SMYD4: variants seen among roughly 807,000 people sequenced by gnomAD.
The protein encoded by SMYD4 is protein-lysine N-methyltransferase SMYD4.
In SMYD4, 68 loss-of-function variants were observed where a neutral mutation model predicts 72.8. The observed-to-expected ratio is 0.93, with a 90% CI of 0.77 to 1.14. The LOEUF (loss-of-function observed/expected upper bound fraction) is 1.14, where lower values mean the gene tolerates loss of function less well. Ranked by LOEUF, SMYD4 falls within the 50% of genes most tolerant of loss-of-function variation. The probability of loss-of-function intolerance (pLI) is 0.00; values close to 1 mark genes in which losing one functional copy is unlikely to be tolerated. For synonymous variants in SMYD4, 407 were observed against 388.6 expected, an observed-to-expected ratio of 1.05 and a Z score of -0.56; for missense variants, 984 against 1,003.7, an observed-to-expected ratio of 0.98 and a Z score of 0.27.
At chr17:1,794,105 A>ATATATTTTTT (rs1291818005) in intron 5 of SMYD4, among the ~76,000 whole-genome samples, 2 of 12,992 alleles carry the variant, frequency 1.5e-4, no homozygotes, top group Non-Finnish European at 2.8e-4. Flanking sequence ...ATATATATAT[A>ATATATTTTTT]TTTTTTTTTT....
chr17:1,815,372 G>T (rs1052563914), intron 2 of SMYD4, among the ~76,000 whole-genome samples: 1 of 151,352 alleles, frequency 6.6e-6, no homozygotes, highest in African/African-American at 2.4e-5. Context: ...ATACTTTTTT[G>T]ATTTTTTAGT....
intron 4 of SMYD4, among the ~76,000 whole-genome samples, chr17:1,803,513 G>C (rs1239288133): frequency 6.6e-6 from 1 of 152,058 alleles, no homozygotes; most frequent in African/African-American, 2.4e-5. Context: ...TTTCTCTTTT[G>C]AGACAGAGTC....
At chr17:1,822,572 T>C (rs1567789265) in intron 2 of SMYD4, among the ~76,000 whole-genome samples, 1 of 152,134 alleles carries the variant, frequency 6.6e-6, no homozygotes, top group Non-Finnish European at 1.5e-5. Context: ...GAGGCTACCA[T>C]AACCCACCAT....
At chr17:1,798,790 C>T (rs558048221) in intron 5 of SMYD4, among the ~76,000 whole-genome samples, 1 of 151,730 alleles carries the variant, frequency 6.6e-6, no homozygotes, top group African/African-American at 2.4e-5. Flanking sequence ...ATCTCAGCTA[C>T]TTGGGAGGCT....
chr17:1,810,910 C>T (rs1910299747), intron 3 of SMYD4, among the ~76,000 whole-genome samples: 1 of 152,176 alleles, frequency 6.6e-6, no homozygotes, highest in Admixed American at 6.5e-5. Flanking sequence ...CAGGGGAAAA[C>T]CATCTCCCTT....
At chr17:1,799,773 A>G (rs182377071) in intron 5 of SMYD4, 84 bp downstream of exon 5, 6 of 1,330,742 alleles carry the variant, frequency 4.5e-6, no homozygotes, top group Admixed American at 5.5e-5. Flanking sequence ...TTTGAATCCT[A>G]TTTTCCTTTG....
rs1369984740 is a variant in SMYD4 at position 1,827,835 on chromosome 17, C to A, written c.134+26G>T. The A allele has an allele frequency of 3.8e-6, 6 of 1,578,706 alleles. No homozygotes were observed. The East Asian group carries it at 1.4e-4, about 36-fold the overall frequency. ...ATAGAACATTTTTTGGCTCACAATT[C>A]CCTTGTTAAAGCTTGATTTACTTAC... On this transcript the variant is annotated intron_variant, in intron 2 of 10. Coordinates refer to ENST00000305513, the MANE Select transcript of SMYD4 (RefSeq NM_052928.3).
intron 3 of SMYD4, among the ~76,000 whole-genome samples, chr17:1,806,585 T>C (rs930863086): frequency 6.6e-6 from 1 of 152,116 alleles, no homozygotes; most frequent in African/African-American, 2.4e-5. Flanking sequence ...ATCAATAAAA[T>C]GCAGATTACA....
chr17:1,811,459 G>A (rs933279818), intron 3 of SMYD4, among the ~76,000 whole-genome samples: 5 of 152,138 alleles, frequency 3.3e-5, no homozygotes, highest in African/African-American at 7.2e-5. Flanking sequence ...CTGGGATTAC[G>A]GGTGTGAACC....
rs1332338545 is a variant in SMYD4 at position 1,781,417 on chromosome 17, T to C, written c.2284A>G (p.Ser762Gly). 6.2e-7 allele frequency: 1 copy of C among 1,614,042 alleles called. No individual in the cohort carries two copies. The highest frequency in any genetic ancestry group is 8.5e-7 in the Non-Finnish European group (1 of 1,179,986). The stretch of plus-strand genomic sequence containing the variant: ...ACCTCCTCAGCTTTCTGTATTGTGC[T>C]CAGGGCTTCGGGTACTGCAAACCTG... ...FNGFAVPEAL[S>G]TIQKAEEVLS... The change falls in exon 11 of 11, where the codon AGC becomes GGC. Residue 762 changes from serine to glycine, a missense_variant. Coordinates refer to ENST00000305513, the MANE Select transcript of SMYD4 (RefSeq NM_052928.3).
intron 2 of SMYD4, among the ~76,000 whole-genome samples, chr17:1,814,198 G>T (rs143378935): frequency 6.6e-6 from 1 of 152,120 alleles, no homozygotes; most frequent in Non-Finnish European, 1.5e-5. Context: ...CCAGCTACTC[G>T]GGAGGCTGAG....
At chr17:1,783,272 G>C in intron 9 of SMYD4, 88 bp downstream of exon 9, 22 of 1,610,328 alleles carry the variant, frequency 1.4e-5, no homozygotes, top group South Asian at 6.6e-5. Flanking sequence ...TACAGAGCGG[G>C]GGGTAACCAG....
Position 1,781,226 on chromosome 17 carries a change from A to C in SMYD4, c.*60T>G, listed in dbSNP as rs759392176. Reference sequence around the variant, plus strand: ...GTGAGCCACCATACCTGGCCAGCAAAACCTCTTTAACTTGTGTTCCATGGG... The same window carrying C: ...GTGAGCCACCATACCTGGCCAGCAACACCTCTTTAACTTGTGTTCCATGGG... On this transcript the variant is annotated 3_prime_UTR_variant, in exon 11 of 11. Transcript: ENST00000305513. 1.3e-5 allele frequency: 20 copies of C among 1,572,292 alleles called. No individual in the cohort carries two copies. Among genetic ancestry groups the C allele is most frequent in the Middle Eastern group, 4.7e-4 (2 of 4,238 alleles).
rs71150816 is a variant in SMYD4 at position 1,789,764 on chromosome 17, C to CCAAA, written c.1538-2161_1538-2160insTTTG. Among the ~76,000 whole-genome samples, 23 of 90,122 alleles carry CCAAA rather than the reference C, an allele frequency of 2.6e-4. 1 individual carries two copies. The highest frequency in any genetic ancestry group is 3.6e-4 in the South Asian group (1 of 2,784). The allele number at this position is 90,122 out of a possible 152,430, so 59.1% of individuals were successfully genotyped here. A position where few individuals can be genotyped will look rare whatever the true frequency, so the allele number is the denominator to read the frequency against. ...TGGGTGAAAGAGCGAGACTCTGTCT[C>CCAAA]AAAAAAAAAAAAAAAGTTTTATAAA... On this transcript the variant is annotated intron_variant, in intron 5 of 10. Transcript: ENST00000305513.
In SMYD4 at chr17:1,800,889, G is replaced by C. The variant is rs1323116754; in HGVS notation, c.505C>G (p.Leu169Val). The C allele has an allele frequency of 1.9e-6, 3 of 1,614,172 alleles. No homozygotes were observed. The highest frequency in any genetic ancestry group is 1.7e-6 in the Non-Finnish European group (2 of 1,180,034). Residue 169 changes from leucine to valine, a missense_variant, in exon 5 of 11, where the codon CTT (leucine) becomes GTT (valine). By Grantham distance (32) the Leu-to-Val change is conservative. Coordinates refer to ENST00000305513, the MANE Select transcript of SMYD4 (RefSeq NM_052928.3). ...GGTGTGGCTGTGAAGTTCCTTTCAA[G>C]ATCACTGATGGTCTGGCTTGCCTCC... Reference protein sequence around the residue: ...LQEASQTISDLERNFTATPAL... With the variant: ...LQEASQTISDVERNFTATPAL...
chr17:1,786,717 C>G (rs1363947008), intron 7 of SMYD4, 93 bp downstream of exon 7: 14 of 1,505,874 alleles, frequency 9.3e-6, no homozygotes, highest in African/African-American at 4.1e-5. Context: ...TCAGCACTTA[C>G]AAGTCCCTGA....
chr17:1,810,831 C>T (rs1018864719), intron 3 of SMYD4, among the ~76,000 whole-genome samples: 2 of 152,242 alleles, frequency 1.3e-5, no homozygotes, highest in African/African-American at 4.8e-5. Context: ...TGCCATCGAC[C>T]AGTGCAGAAG....
intron 7 of SMYD4, 70 bp from the exon 8 acceptor site, chr17:1,784,531 C>T (rs1229176326): frequency 7.6e-6 from 12 of 1,588,428 alleles, no homozygotes; most frequent in African/African-American, 1.3e-5. Context: ...GCTTACATTA[C>T]AGGACTGCTC....
intron 5 of SMYD4, among the ~76,000 whole-genome samples, chr17:1,794,035 A>G (rs865872768): frequency 2.9e-4 from 11 of 37,716 alleles, no homozygotes; most frequent in Non-Finnish European, 5.3e-4. Context: ...GTATATATAT[A>G]TGTATGTATA....
Sources: gnomAD v4.1 joint callset for allele counts (sites outside exome capture counted in the v4.1 genomes callset) on GRCh38, gnomAD v4.1.1 for gene constraint, MANE v1.5 for transcripts, NCBI Gene and HGNC (gene_info 2026-07-23, HGNC 2026-07-21) for gene names.